The following LPP variants were observed in gnomAD, a reference collection of about 807,000 sequenced individuals.
LPP encodes the protein lipoma-preferred partner.
In LPP, 38 loss-of-function variants were observed where a neutral mutation model predicts 60.4. The ratio of observed to expected loss-of-function variants is 0.63; its 90% CI spans 0.49 to 0.83. The LOEUF (loss-of-function observed/expected upper bound fraction) is 0.83, where lower values mean the gene tolerates loss of function less well. Ranked by LOEUF, LPP falls within the 40% of genes least tolerant of loss-of-function variation. The probability of loss-of-function intolerance (pLI) is 0.00; values close to 1 mark genes in which losing one functional copy is unlikely to be tolerated. For synonymous variants in LPP, 328 were observed against 290.8 expected (o/e 1.13, Z -1.30); for missense variants, 902 against 783.6 (o/e 1.15, Z -1.80).
intron 7 of LPP, among the ~76,000 whole-genome samples, chr3:188,644,850 G>T (rs1369658220): frequency 6.6e-6 from 1 of 152,196 alleles, no homozygotes; most frequent in Admixed American, 6.5e-5. Context: ...GTGGCTTGGT[G>T]CAGGGTGCAG....
At chr3:188,623,444 G>C (rs938107335) in intron 7 of LPP, among the ~76,000 whole-genome samples, 8 of 151,986 alleles carry the variant, frequency 5.3e-5, no homozygotes, top group African/African-American at 1.7e-4. Context: ...TTTTAATAGA[G>C]ACAGGGTTTC....
intron 7 of LPP, among the ~76,000 whole-genome samples, chr3:188,696,435 C>A (rs1007728914): frequency 6.6e-6 from 1 of 152,078 alleles, no homozygotes; most frequent in Non-Finnish European, 1.5e-5. Flanking sequence ...GAGTTAGAGA[C>A]CAGCCTGGGC....
intron 7 of LPP, among the ~76,000 whole-genome samples, chr3:188,640,555 A>G (rs1160547857): frequency 6.6e-6 from 1 of 151,316 alleles, no homozygotes; most frequent in African/African-American, 2.4e-5. Flanking sequence ...GGGACGAAAA[A>G]AAAAAAAGAA....
rs182120978 is a variant in LPP, at chr3:188,824,048, A to C, written c.1411-42152A>C. 4.6e-5 allele frequency among the ~76,000 whole-genome samples: 7 copies of C among 152,272 alleles called. No homozygotes were observed. In the East Asian group the frequency reaches 1.4e-3, roughly 29 times the overall value. On this transcript the variant is annotated intron_variant, in intron 9 of 11. Transcript: ENST00000617246. ...ATTTGTCTCATACTTTCATCTCAAA[A>C]ATATGTATTTAAGTAGAAAGAGAGC...
At chr3:188,594,958 T>C (rs910255840) in intron 6 of LPP, among the ~76,000 whole-genome samples, 2 of 152,174 alleles carry the variant, frequency 1.3e-5, no homozygotes, top group Non-Finnish European at 2.9e-5. Context: ...TGAAACATTA[T>C]AGCATAACAG....
At chr3:188,600,292 C>A (rs994960858) in intron 6 of LPP, among the ~76,000 whole-genome samples, 7 of 148,634 alleles carry the variant, frequency 4.7e-5, no homozygotes, top group African/African-American at 1.7e-4. Flanking sequence ...TATATTTCTT[C>A]CTTTGAGTGA....
At chr3:188,203,533 A>ATATATT (rs1214081681) in intron 1 of LPP, among the ~76,000 whole-genome samples, 1 of 91,164 alleles carries the variant, frequency 1.1e-5, no homozygotes, top group Non-Finnish European at 1.9e-5. Context: ...ATAAATATAT[A>ATATATT]TTTAAATATA....
chr3:188,504,853 A>G (rs1812993966), intron 5 of LPP, among the ~76,000 whole-genome samples: 1 of 151,710 alleles, frequency 6.6e-6, no homozygotes, highest in Admixed American at 6.6e-5. Context: ...AGCTGGAGTG[A>G]GAGGGGCAAC....
intron 9 of LPP, among the ~76,000 whole-genome samples, chr3:188,811,913 A>G (rs150469152): frequency 8.0e-4 from 122 of 152,262 alleles, no homozygotes; most frequent in African/African-American, 2.9e-3. Flanking sequence ...ATAGACATGC[A>G]ATGCATAATA....
intron 9 of LPP, among the ~76,000 whole-genome samples, chr3:188,854,457 GCA>G (rs34729655): frequency 0.1 from 15,291 of 152,136 alleles, 1,019 homozygotes; most frequent in Middle Eastern, 0.16. Context: ...GAAGGGAACC[GCA>G]CAGTCACAGC....
intron 7 of LPP, among the ~76,000 whole-genome samples, chr3:188,662,614 A>G (rs1290158706): frequency 2.6e-5 from 4 of 152,252 alleles, no homozygotes; most frequent in African/African-American, 9.6e-5. Context: ...AATAGTTCCA[A>G]CATCTTGTTG....
At chr3:188,233,146 C>A (rs1720689258) in intron 2 of LPP, among the ~76,000 whole-genome samples, 2 of 152,190 alleles carry the variant, frequency 1.3e-5, no homozygotes, top group South Asian at 4.1e-4. Context: ...CTCAACATTT[C>A]TAATTTTGCA....
intron 9 of LPP, among the ~76,000 whole-genome samples, chr3:188,769,474 A>G (rs1341506687): frequency 6.6e-6 from 1 of 152,230 alleles, no homozygotes; most frequent in Non-Finnish European, 1.5e-5. Context: ...ATTGCCCAGA[A>G]CAACAAAGAG....
At chr3:188,380,486 C>A (rs1776578681) in intron 3 of LPP, among the ~76,000 whole-genome samples, 1 of 152,160 alleles carries the variant, frequency 6.6e-6, no homozygotes. Context: ...GAGTATGTCC[C>A]TTATGTTCAT....
Position 188,467,382 on chromosome 3 carries a change from C to A in LPP, c.194-17210C>A, listed in dbSNP as rs149479515. Among the ~76,000 whole-genome samples, 14 of 152,096 alleles carry A rather than the reference C, an allele frequency of 9.2e-5. No individual in the cohort carries two copies. In the East Asian group the frequency reaches 2.5e-3, roughly 27 times the overall value. ...AAAATAGGTACGATGAATACAAGAA[C>A]TTTTGCTCTTGTCTATACTTGTCCT... On this transcript the variant is annotated intron_variant, in intron 4 of 11. Coordinates refer to ENST00000617246, the MANE Select transcript of LPP (RefSeq NM_001375462.1).
intron 3 of LPP, among the ~76,000 whole-genome samples, chr3:188,347,925 T>C (rs1267551305): frequency 3.3e-5 from 5 of 152,192 alleles, no homozygotes; most frequent in South Asian, 4.1e-4. Flanking sequence ...CTGAGAATAA[T>C]GGCAAAACAA....
intron 6 of LPP, among the ~76,000 whole-genome samples, chr3:188,545,221 A>G (rs1277165273): frequency 1.4e-5 from 2 of 143,904 alleles, no homozygotes; most frequent in Non-Finnish European, 3.0e-5. Context: ...AACCTGCACA[A>G]TGTGCACATG....
At chr3:188,315,840 G>C (rs757918039) in intron 2 of LPP, among the ~76,000 whole-genome samples, 3 of 152,052 alleles carry the variant, frequency 2.0e-5, no homozygotes, top group Non-Finnish European at 2.9e-5. Flanking sequence ...ATTCTCTCTA[G>C]GTATCTACTA....
chr3:188,546,531 TAC>T (rs1012329129), intron 6 of LPP, among the ~76,000 whole-genome samples: 35 of 152,290 alleles, frequency 2.3e-4, no homozygotes, highest in African/African-American at 8.4e-4. Flanking sequence ...ACTAGTTCCA[TAC>T]AGAGTTTATA....
Sources: gnomAD v4.1 joint callset for allele counts (sites outside exome capture counted in the v4.1 genomes callset) on GRCh38, gnomAD v4.1.1 for gene constraint, MANE v1.5 for transcripts, NCBI Gene and HGNC (gene_info 2026-07-23, HGNC 2026-07-21) for gene names.